ZNF496: variants seen among roughly 807,000 people sequenced by gnomAD.
ZNF496 encodes the protein zinc finger protein 496.
A neutral mutation model predicts 58.9 loss-of-function variants in ZNF496; 11 were observed. The ratio of observed to expected loss-of-function variants is 0.19; its 90% CI spans 0.12 to 0.31. The LOEUF is 0.31. Ranked by LOEUF, ZNF496 falls within the 10% of genes least tolerant of loss-of-function variation. ZNF496 has a pLI of 1.00. For synonymous variants in ZNF496, 338 were observed against 318.2 expected, an observed-to-expected ratio of 1.06 and a Z score of -0.66; for missense variants, 660 against 783.0, an observed-to-expected ratio of 0.84 and a Z score of 1.88.
intron 6 of ZNF496, chr1:247,311,428 GAGACACAC>G (rs1390974930): frequency 1.6e-4 from 6 of 38,226 alleles, no homozygotes; most frequent in African/African-American, 3.6e-4. Flanking sequence ...CACACACACA[GAGACACAC>G]ACACACACAC....
At position 247,300,654 on chromosome 1, in the gene ZNF496, G is replaced by C; in HGVS notation, c.1629C>G (p.His543Gln). Reference sequence around the variant, plus strand: ...GCCGGGCTTTGTCCTTCAGGTGAAAGTGGCTGCGGTGCCGAGCCAGGTGGT... The same window carrying C: ...GCCGGGCTTTGTCCTTCAGGTGAAACTGGCTGCGGTGCCGAGCCAGGTGGT... ...RHDHLARHRS[H>Q]FHLKDKARPF... is the part of the protein sequence containing the mutation. Residue 543 changes from histidine to glutamine, a missense_variant, in exon 10 of 10, where the codon CAC (histidine) becomes CAG (glutamine). His to Gln is a conservative substitution (Grantham distance 24, BLOSUM62 0). Transcript: ENST00000682384. This position sits in a 1 kb window ranked among gnomAD's most constrained non-coding sequence, Gnocchi z 5.7. 1 of 1,614,118 alleles carries C rather than the reference G, an allele frequency of 6.2e-7. No homozygotes were observed. The highest frequency in any genetic ancestry group is 8.5e-7 in the Non-Finnish European group (1 of 1,180,042).
chr1:247,329,931 C>T lies in ZNF496; in HGVS notation c.-38+35G>A, dbSNP rs7529049. The T allele has an allele frequency of 0.013, 3,090 of 230,368 alleles. 90 individuals carry two copies. The highest frequency in any genetic ancestry group is 0.064 in the South Asian group (579 of 8,984). 14.3% of individuals were successfully genotyped at this position (230,368 alleles called of 1,614,324 possible). On this transcript the variant is annotated intron_variant, in intron 3 of 9. Transcript: ENST00000682384. This position sits in a 1 kb window ranked among gnomAD's most constrained non-coding sequence, Gnocchi z 5.5. The stretch of plus-strand genomic sequence containing the variant: ...TTTGAGCATCCCAGGAAACCAACAG[C>T]GCCACATGCAGATGTAATCAAGACG...
Position 247,298,068 on chromosome 1 carries a change from G to C in ZNF496, c.*2451C>G, listed in dbSNP as rs565847287. Reference sequence around the variant, plus strand: ...ACAGGTAGGAGCACACAGGTAGGTGGGGTAAACGTGTACAGAGAGCCTGGC... The same window carrying C: ...ACAGGTAGGAGCACACAGGTAGGTGCGGTAAACGTGTACAGAGAGCCTGGC... On this transcript the variant is annotated 3_prime_UTR_variant, in exon 10 of 10. Coordinates refer to ENST00000682384, the MANE Select transcript of ZNF496 (RefSeq NM_032752.3). 1.3e-5 allele frequency: 2 copies of C among 152,260 alleles called. No homozygotes were observed. The highest frequency in any genetic ancestry group is 3.9e-4 in the East Asian group (2 of 5,164). 9.4% of individuals were successfully genotyped at this position (152,260 alleles called of 1,614,324 possible). A position where few individuals can be genotyped will look rare whatever the true frequency, so the allele number is the denominator to read the frequency against.
chr1:247,307,076 A>T, intron 9 of ZNF496: 8 of 984,968 alleles, frequency 8.1e-6, no homozygotes, highest in Non-Finnish European at 9.6e-6. Flanking sequence ...ACAATAAACA[A>T]GAAAAGATAT....
chr1:247,308,840 C>T lies in ZNF496; in HGVS notation c.893-252G>A. The T allele has an allele frequency of 2.2e-6, 1 of 448,686 alleles. No homozygotes were observed. 27.8% of individuals were successfully genotyped at this position (448,686 alleles called of 1,614,324 possible). Reference sequence around the variant, plus strand: ...GTAGATCCGGGTTCTACTCCACCCACTCTATGGCCAGAGACAAGCACTTCC... The same window carrying T: ...GTAGATCCGGGTTCTACTCCACCCATTCTATGGCCAGAGACAAGCACTTCC... On this transcript the variant is annotated intron_variant, in intron 8 of 9. Coordinates refer to ENST00000682384, the MANE Select transcript of ZNF496 (RefSeq NM_032752.3). This position sits in a 1 kb window ranked among gnomAD's most constrained non-coding sequence, Gnocchi z 4.5.
At chr1:247,321,303 G>A (rs1177865094) in intron 6 of ZNF496, among the ~76,000 whole-genome samples, 2 of 152,126 alleles carry the variant, frequency 1.3e-5, no homozygotes, top group East Asian at 1.9e-4. Flanking sequence ...AATTATATGA[G>A]GTATTTATAG....
chr1:247,302,850 G>T (rs1043404059), intron 9 of ZNF496, among the ~76,000 whole-genome samples: 1 of 152,192 alleles, frequency 6.6e-6, no homozygotes, highest in Non-Finnish European at 1.5e-5. Flanking sequence ...AGAGCAAGGT[G>T]TAACTTTTAC....
intron 5 of ZNF496, among the ~76,000 whole-genome samples, chr1:247,328,462 G>A (rs1231515376): frequency 1.3e-5 from 2 of 152,178 alleles, no homozygotes; most frequent in African/African-American, 4.8e-5. Context: ...CGTTAGCTCT[G>A]AGAGGCTCTA....
At chr1:247,313,571 G>A (rs936085616) in intron 6 of ZNF496, 3 of 152,192 alleles carry the variant, frequency 2.0e-5, no homozygotes, top group African/African-American at 7.2e-5. Context: ...ATGTCCAGAG[G>A]TCACCAGCGT....
At chr1:247,317,140 G>A (rs1344433934) in intron 6 of ZNF496, among the ~76,000 whole-genome samples, 1 of 152,166 alleles carries the variant, frequency 6.6e-6, no homozygotes, top group African/African-American at 2.4e-5. Flanking sequence ...TGAAAACCCT[G>A]GACATTGCAT....
In ZNF496 at chr1:247,329,355, C is replaced by T; in HGVS notation, c.224G>A (p.Arg75Lys). The T allele has an allele frequency of 6.2e-7, 1 of 1,613,550 alleles. No homozygotes were observed. Among genetic ancestry groups the T allele is most frequent in the Non-Finnish European group, 8.5e-7 (1 of 1,179,952 alleles). The change falls in exon 4 of 10, where the codon AGG becomes AAG. Residue 75 changes from arginine (R) to lysine (K), a missense_variant. Transcript: ENST00000682384. The surrounding 1 kb of genome is among the most constrained non-coding windows in gnomAD (Gnocchi z 5.5). ...CTCCAGAATCTGCTCCTTGGTGTGC[C>T]TCTCAGGCCGCAGCCAGCCCCCGCA... is the stretch of plus-strand genomic sequence containing the variant. ...DLCGGWLRPE[R>K]HTKEQILELL... is the part of the protein sequence containing the mutation.
rs1461762764 is a variant in ZNF496, at chr1:247,297,948, T to G, written c.*2571A>C. ...GGTTTTACACAGAAAAACACTCTGGTAAGTAGAACAGTGTTCTTCTCTTGA... is the reference window on the plus strand; with the variant it reads ...GGTTTTACACAGAAAAACACTCTGGGAAGTAGAACAGTGTTCTTCTCTTGA... On this transcript the variant is annotated 3_prime_UTR_variant, in exon 10 of 10. Coordinates refer to ENST00000682384, the MANE Select transcript of ZNF496 (RefSeq NM_032752.3). The G allele has an allele frequency of 6.6e-6, 1 of 152,236 alleles. No individual in the cohort carries two copies. The highest frequency in any genetic ancestry group is 1.5e-5 in the Non-Finnish European group (1 of 68,048). 9.4% of individuals were successfully genotyped at this position (152,236 alleles called of 1,614,324 possible).
At chr1:247,311,424 CACAGAG>C (rs1659596996) in intron 6 of ZNF496, 2 of 74,820 alleles carry the variant, frequency 2.7e-5, no homozygotes, top group Admixed American at 2.1e-4. Context: ...AAAACACACA[CACAGAG>C]ACACACACAC....
chr1:247,321,545 A>C (rs1182756270), intron 6 of ZNF496, among the ~76,000 whole-genome samples: 1 of 152,216 alleles, frequency 6.6e-6, no homozygotes, highest in East Asian at 1.9e-4. Context: ...TAAAAACAGA[A>C]ATTAAAAAAC....
Position 247,298,107 on chromosome 1 carries a change from T to C in ZNF496, c.*2412A>G, listed in dbSNP as rs1000775133. On this transcript the variant is annotated 3_prime_UTR_variant, in exon 10 of 10. Coordinates refer to ENST00000682384, the MANE Select transcript of ZNF496 (RefSeq NM_032752.3). ...AGAGAGCCTGGCTTCTACTTGGAAT[T>C]TTCCCCTCCCTTGGCCTTAAAAATC... is the stretch of plus-strand genomic sequence containing the variant. The C allele has an allele frequency of 2.0e-5, 3 of 151,974 alleles. No individual in the cohort carries two copies. Among genetic ancestry groups the C allele is most frequent in the East Asian group, 3.9e-4 (2 of 5,164 alleles). The allele number at this position is 151,974 out of a possible 1,614,324, so 9.4% of individuals were successfully genotyped here.
At position 247,328,803 on chromosome 1, in the gene ZNF496, C is replaced by T. The variant is rs773953553; in HGVS notation, c.454G>A (p.Glu152Lys). The stretch of plus-strand genomic sequence containing the variant: ...CTGTGGGGCTCTACCGGCAGCTGCT[C>T]CTGCTCCTGGTCCAGAGGGCTGTCC... ...DGDSPLDQEQ[E>K]QLPVEPHSDL... The change falls in exon 5 of 10, where the codon GAG becomes AAG. Residue 152 changes from glutamate (E) to lysine (K), a missense_variant. Physicochemically the swap from Glu to Lys is moderately conservative, Grantham distance 56 (BLOSUM62 1). Transcript: ENST00000682384. 6.2e-7 allele frequency: 1 copy of T among 1,613,622 alleles called. No individual in the cohort carries two copies. The highest frequency in any genetic ancestry group is 1.1e-5 in the South Asian group (1 of 91,014).
chr1:247,326,674 T>C (rs1660137886), intron 5 of ZNF496, among the ~76,000 whole-genome samples: 1 of 152,170 alleles, frequency 6.6e-6, no homozygotes, highest in South Asian at 2.1e-4. Context: ...CAAATTCCTA[T>C]GTTGAAGCCC....
chr1:247,319,688 C>T (rs974664046), intron 6 of ZNF496, among the ~76,000 whole-genome samples: 4 of 152,076 alleles, frequency 2.6e-5, no homozygotes, highest in Admixed American at 6.6e-5. Context: ...TTTTGGAGGA[C>T]GAAGCAGGTG....
chr1:247,309,576 G>C lies in ZNF496; in HGVS notation c.892+123C>G, dbSNP rs1158817295. On this transcript the variant is annotated intron_variant, in intron 8 of 9. Coordinates refer to ENST00000682384, the MANE Select transcript of ZNF496 (RefSeq NM_032752.3). The surrounding 1 kb of genome is among the most constrained non-coding windows in gnomAD (Gnocchi z 4.3). The stretch of plus-strand genomic sequence containing the variant: ...AGGCAAGACATGCAAGACCCACATA[G>C]AGTCTGGGGAAATGAAGAAGGCAAT... 24 of 1,472,374 alleles carry C rather than the reference G, an allele frequency of 1.6e-5. No homozygotes were observed. The highest frequency in any genetic ancestry group is 2.5e-5 in the Admixed American group (1 of 40,166). 91.2% of individuals were successfully genotyped at this position (1,472,374 alleles called of 1,614,324 possible).
Sources: allele counts gnomAD v4.1 joint callset (sites outside exome capture counted in the v4.1 genomes callset), GRCh38; gene constraint gnomAD v4.1.1; non-coding constraint Gnocchi (gnomAD v3.1); transcripts MANE v1.5; gene names NCBI Gene and HGNC (gene_info 2026-07-23, HGNC 2026-07-21).